Variants in CLDN16 observed in about 807,000 individuals in gnomAD.
The protein encoded by CLDN16 is claudin 16.
A neutral mutation model predicts 24.6 loss-of-function variants in CLDN16; 13 were observed. The observed-to-expected ratio is 0.53, with a 90% CI of 0.34 to 0.84. The LOEUF is 0.84. Among genes scored for constraint, CLDN16 ranks in the 40% least tolerant of loss-of-function variants. The probability of loss-of-function intolerance (pLI) is 0.01; values close to 1 mark genes in which losing one functional copy is unlikely to be tolerated. For missense variants in CLDN16, 298 were observed against 292.7 expected (o/e 1.02, Z -0.13); for synonymous variants, 116 against 106.7 (o/e 1.09, Z -0.54).
intron 1 of CLDN16, among the ~76,000 whole-genome samples, chr3:190,397,025 C>G (rs754787116): frequency 6.6e-6 from 1 of 152,128 alleles, no homozygotes; most frequent in African/African-American, 2.4e-5. Context: ...GCAGCCACTC[C>G]TTTCTTGCCA....
At chr3:190,321,353 G>A (rs962582904), upstream of CLDN16, among the ~76,000 whole-genome samples, 1 of 152,038 alleles carries the variant, frequency 6.6e-6, no homozygotes, top group East Asian at 1.9e-4. Context: ...TTAAAACTTC[G>A]GGGGAATCTC....
intron 1 of CLDN16, among the ~76,000 whole-genome samples, chr3:190,397,529 T>C (rs1028988652): frequency 4.6e-5 from 7 of 152,202 alleles, no homozygotes; most frequent in African/African-American, 7.2e-5. Flanking sequence ...TAATAAGCCA[T>C]TTTACAACAG....
chr3:190,350,540 T>C (rs766177955), intron 1 of CLDN16, among the ~76,000 whole-genome samples: 1 of 152,070 alleles, frequency 6.6e-6, no homozygotes, highest in Non-Finnish European at 1.5e-5. Context: ...GCAAAGGTCA[T>C]GAAAAATATC....
At chr3:190,384,667 G>A (rs541884057), upstream of CLDN16, among the ~76,000 whole-genome samples, 3 of 152,240 alleles carry the variant, frequency 2.0e-5, no homozygotes, top group African/African-American at 7.2e-5. Context: ...TATCCATCCT[G>A]GAGGACCCTG....
At chr3:190,295,673 TTA>T in the CLDN16 span, among the ~76,000 whole-genome samples, 2 of 152,320 alleles carry the variant, frequency 1.3e-5, no homozygotes, top group East Asian at 3.9e-4. Context: ...TCCGTTGTTT[TTA>T]TGAGTTTGGG....
chr3:190,330,697 G>A (rs1577397389), intron 1 of CLDN16, among the ~76,000 whole-genome samples: 1 of 152,242 alleles, frequency 6.6e-6, no homozygotes, highest in African/African-American at 2.4e-5. Context: ...TGACCCTAAG[G>A]ATGGAGAATG....
the CLDN16 span, among the ~76,000 whole-genome samples, chr3:190,305,060 G>A: frequency 6.6e-6 from 1 of 152,224 alleles, no homozygotes; most frequent in Non-Finnish European, 1.5e-5. Flanking sequence ...TGTAGAAACA[G>A]AGTGAGAATT....
chr3:190,362,560 G>C (rs1198375393), intron 1 of CLDN16, among the ~76,000 whole-genome samples: 1 of 151,968 alleles, frequency 6.6e-6, no homozygotes, highest in Non-Finnish European at 1.5e-5. Context: ...GGCTCTGTTT[G>C]AATTACTCTT....
At chr3:190,316,149 T>C in the CLDN16 span, among the ~76,000 whole-genome samples, 1 of 152,176 alleles carries the variant, frequency 6.6e-6, no homozygotes, top group Non-Finnish European at 1.5e-5. Context: ...ATTATTTGCA[T>C]AATACACAAA....
At chr3:190,355,321 C>A (rs1717745755) in intron 1 of CLDN16, among the ~76,000 whole-genome samples, 1 of 151,788 alleles carries the variant, frequency 6.6e-6, no homozygotes, top group African/African-American at 2.4e-5. Flanking sequence ...ATATTGATTT[C>A]TGTGACTTTT....
chr3:190,377,640 G>A (rs1224629954), intron 3 of CLDN16, among the ~76,000 whole-genome samples: 1 of 152,000 alleles, frequency 6.6e-6, no homozygotes, highest in Non-Finnish European at 1.5e-5. Flanking sequence ...TAAAATCTCT[G>A]TTTTCTGATT....
At chr3:190,396,657 G>A (rs902361239) in intron 1 of CLDN16, among the ~76,000 whole-genome samples, 6 of 152,142 alleles carry the variant, frequency 3.9e-5, no homozygotes, top group Non-Finnish European at 8.8e-5. Flanking sequence ...AATATAGTTT[G>A]AAGAATAACA....
At chr3:190,373,519 A>G (rs1425108) in intron 2 of CLDN16, among the ~76,000 whole-genome samples, 28,244 of 152,010 alleles carry the variant, frequency 0.19, 2,822 homozygotes, top group East Asian at 0.34. Context: ...TAAAGGCTGT[A>G]AGAAAGACTA....
intron 1 of CLDN16, among the ~76,000 whole-genome samples, chr3:190,398,135 G>A (rs1718865883): frequency 6.6e-6 from 1 of 152,126 alleles, no homozygotes. Flanking sequence ...GACACTACAG[G>A]GCAGTCAGCT....
chr3:190,300,073 A>G, the CLDN16 span, among the ~76,000 whole-genome samples: 1 of 152,198 alleles, frequency 6.6e-6, no homozygotes, highest in Non-Finnish European at 1.5e-5. Context: ...CCAAAGCTCT[A>G]TTGGCTAATT....
At chr3:190,381,377 T>G (rs1274938489) in intron 3 of CLDN16, among the ~76,000 whole-genome samples, 29 of 152,062 alleles carry the variant, frequency 1.9e-4, no homozygotes, top group Non-Finnish European at 4.0e-4. Flanking sequence ...TCAGTTACTC[T>G]CAAAGATAAG....
chr3:190,373,904 A>T (rs989212876), intron 2 of CLDN16, among the ~76,000 whole-genome samples: 3 of 151,658 alleles, frequency 2.0e-5, no homozygotes, highest in African/African-American at 7.3e-5. Context: ...GACCTGAGAG[A>T]TCCTTATACA....
the CLDN16 span, chr3:190,307,279 A>C: frequency 6.6e-6 from 1 of 152,240 alleles, no homozygotes; most frequent in Non-Finnish European, 1.5e-5. Flanking sequence ...TATAAAACGC[A>C]TGATAATTAC....
chr3:190,360,800 G>T (rs1053713006), intron 1 of CLDN16, among the ~76,000 whole-genome samples: 1 of 150,562 alleles, frequency 6.6e-6, no homozygotes, highest in African/African-American at 2.4e-5. Flanking sequence ...TTTTTATGTG[G>T]TTGCTCTACT....
Sources: allele counts gnomAD v4.1 joint callset (sites outside exome capture counted in the v4.1 genomes callset), GRCh38; gene constraint gnomAD v4.1.1; transcripts MANE v1.5; gene names NCBI Gene and HGNC (gene_info 2026-07-23, HGNC 2026-07-21).